ITGAE: variants seen among roughly 807,000 people sequenced by gnomAD.
ITGAE encodes the protein integrin subunit alpha E, also known as integrin alpha-E.
Under a neutral mutation model 136.5 loss-of-function variants are expected in ITGAE, and 99 were observed. That is an observed-to-expected ratio of 0.73 (90% CI 0.62 to 0.86). ITGAE has a LOEUF of 0.86. ITGAE is among the 40% of genes least tolerant of loss of function. ITGAE has a pLI of 0.00. For missense variants in ITGAE, 1,447 were observed against 1,515.3 expected (o/e 0.95, Z 0.75); for synonymous variants, 613 against 591.8 (o/e 1.04, Z -0.52).
At chr17:3,729,339 C>T in intron 24 of ITGAE, 139 bp downstream of exon 24, 1 of 691,438 alleles carries the variant, frequency 1.4e-6, no homozygotes, top group South Asian at 1.5e-5. Flanking sequence ...AATATCAGAG[C>T]CTGGGTTCTA....
intron 1 of ITGAE, among the ~76,000 whole-genome samples, chr17:3,797,123 C>T (rs977376987): frequency 2.0e-5 from 3 of 148,894 alleles, no homozygotes; most frequent in Non-Finnish European, 4.5e-5. Flanking sequence ...TTGAGCACTA[C>T]TGTGTGCTGG....
chr17:3,770,070 C>T (rs1027537898), intron 2 of ITGAE, among the ~76,000 whole-genome samples: 4 of 151,936 alleles, frequency 2.6e-5, no homozygotes, highest in African/African-American at 9.7e-5. Context: ...CTTGCCTTCA[C>T]CCAGCTCTAA....
rs1228587715 is a variant in ITGAE, at chr17:3,798,073, C to T, written c.34+3038G>A. On this transcript the variant is annotated intron_variant, in intron 1 of 30. Transcript: ENST00000263087. The surrounding 1 kb of genome is among the most constrained non-coding windows in gnomAD (Gnocchi z 4.3). The stretch of plus-strand genomic sequence containing the variant: ...CTCCACTTATACCACACCTGCCACA[C>T]GAATGCAGGCCTCCCAGAGAAGGGC... 3.9e-5 allele frequency among the ~76,000 whole-genome samples: 6 copies of T among 152,208 alleles called. No individual in the cohort carries two copies. The highest frequency in any genetic ancestry group is 7.2e-5 in the African/African-American group (3 of 41,430).
chr17:3,716,494 CAG>C (rs2050945692), intron 30 of ITGAE, among the ~76,000 whole-genome samples, 192 bp downstream of exon 30: 1 of 152,160 alleles, frequency 6.6e-6, no homozygotes, highest in African/African-American at 2.4e-5. Flanking sequence ...CTTTATAACT[CAG>C]AGTTTTCTCT....
intron 2 of ITGAE, among the ~76,000 whole-genome samples, chr17:3,769,863 T>C (rs2052379588): frequency 6.6e-6 from 1 of 151,940 alleles, no homozygotes; most frequent in African/African-American, 2.4e-5. Context: ...CGGTTAATTT[T>C]TGTATTTTTA....
At chr17:3,760,003 G>C (rs187229790) in intron 7 of ITGAE, among the ~76,000 whole-genome samples, 169 bp downstream of exon 7, 3 of 152,140 alleles carry the variant, frequency 2.0e-5, no homozygotes, top group Non-Finnish European at 4.4e-5. Flanking sequence ...GCAACCAGAC[G>C]CCTGCAGCTC....
Position 3,801,109 on chromosome 17 carries a change from A to C in ITGAE, c.34+2T>G, listed in dbSNP as rs375360989. Reference sequence around the variant, plus strand: ...CTCGAAGCAGCGGGTGAGAGGACTTACTGGCTATGCAGAGCAGAGTGTGGA... The same window carrying C: ...CTCGAAGCAGCGGGTGAGAGGACTTCCTGGCTATGCAGAGCAGAGTGTGGA... On this transcript the variant is annotated splice_donor_variant, in intron 1 of 30. Coordinates refer to ENST00000263087, the MANE Select transcript of ITGAE (RefSeq NM_002208.5). LOFTEE classifies it high-confidence loss of function. 2.5e-6 allele frequency: 4 copies of C among 1,612,820 alleles called. No individual in the cohort carries two copies. In the African/African-American group the frequency reaches 5.3e-5, roughly 22 times the overall value.
intron 20 of ITGAE, chr17:3,738,898 C>G (rs1323422645): frequency 6.6e-6 from 1 of 152,346 alleles, no homozygotes; most frequent in Non-Finnish European, 1.5e-5. Context: ...CGCTTCTCTT[C>G]TCAGCTAAGC....
rs562974265 is a variant in ITGAE at position 3,751,285 on chromosome 17, C to T, written c.1893+365G>A. Reference sequence around the variant, plus strand: ...GCCCTGGGGAATGAGAGATAAGGCGCGGAGGTGCTGGGTGGGAGACAGGAG... The same window carrying T: ...GCCCTGGGGAATGAGAGATAAGGCGTGGAGGTGCTGGGTGGGAGACAGGAG... On this transcript the variant is annotated intron_variant, in intron 15 of 30. Coordinates refer to ENST00000263087, the MANE Select transcript of ITGAE (RefSeq NM_002208.5). Among the ~76,000 whole-genome samples the T allele has an allele frequency of 5.6e-4, 81 of 145,214 alleles. 1 individual carries two copies. Among genetic ancestry groups the T allele is most frequent in the Non-Finnish European group, 8.2e-4 (54 of 65,752 alleles).
chr17:3,792,743 A>G (rs2052973794), intron 1 of ITGAE, among the ~76,000 whole-genome samples: 1 of 152,244 alleles, frequency 6.6e-6, no homozygotes, highest in African/African-American at 2.4e-5. Flanking sequence ...CAACGCATAC[A>G]TGAATGAATG....
chr17:3,799,825 T>C lies in ITGAE; in HGVS notation c.34+1286A>G, dbSNP rs2053206422. Among the ~76,000 whole-genome samples the C allele has an allele frequency of 6.6e-6, 1 of 152,194 alleles. No homozygotes were observed. The highest frequency in any genetic ancestry group is 2.1e-4 in the South Asian group (1 of 4,832). Reference sequence around the variant, plus strand: ...TTCCATGGTGACTATTCTGATGTTTTTGAAATATAAAATATTAGGCCGGGC... The same window carrying C: ...TTCCATGGTGACTATTCTGATGTTTCTGAAATATAAAATATTAGGCCGGGC... On this transcript the variant is annotated intron_variant, in intron 1 of 30. Transcript: ENST00000263087. The surrounding 1 kb of genome is among the most constrained non-coding windows in gnomAD (Gnocchi z 4.1).
At chr17:3,736,060 T>G (rs2051453325) in intron 20 of ITGAE, among the ~76,000 whole-genome samples, 2 of 152,112 alleles carry the variant, frequency 1.3e-5, no homozygotes, top group Admixed American at 1.3e-4. Context: ...AGAGAATTGC[T>G]TGAACCCGGT....
intron 1 of ITGAE, among the ~76,000 whole-genome samples, chr17:3,795,910 CGCATCCGTGTGTGTGCATCCGTGTGTGT>C (rs749114362): frequency 5.8e-5 from 7 of 121,192 alleles, no homozygotes; most frequent in African/African-American, 2.3e-4. Flanking sequence ...TCTGTGTATG[CGCATCCGTGTGTGTGCATCCGTGTGTGT>C]GCATCCGTGT....
At chr17:3,751,286 G>A (rs2051858164) in intron 15 of ITGAE, among the ~76,000 whole-genome samples, 1 of 151,904 alleles carries the variant, frequency 6.6e-6, no homozygotes, top group Admixed American at 6.6e-5. Context: ...GATAAGGCGC[G>A]GAGGTGCTGG....
Position 3,720,327 on chromosome 17 carries a change from C to T in ITGAE, c.3313G>A (p.Ala1105Thr). ...FNKSLYEGLN[A>T]ENHRTKITVV... is the part of the protein sequence containing the mutation. ...ATTACCTTAGTTCTGTGGTTCTCTG[C>T]ATTCAGTCCCTCATATAGAGATTTG... The change falls in exon 29 of 31, where the codon GCA becomes ACA. Residue 1105 changes from alanine (A) to threonine (T), a missense_variant. Around this residue, in one of 3 missense-constraint regions of ITGAE, gnomAD observed 1,031 missense variants for 1,011.4 expected, o/e 1.02. Coordinates refer to ENST00000263087, the MANE Select transcript of ITGAE (RefSeq NM_002208.5). The T allele has an allele frequency of 6.3e-7, 1 of 1,576,252 alleles. No individual in the cohort carries two copies. Among genetic ancestry groups the T allele is most frequent in the Non-Finnish European group, 8.7e-7 (1 of 1,145,634 alleles).
intron 17 of ITGAE, among the ~76,000 whole-genome samples, chr17:3,746,457 T>C (rs1363991158): frequency 6.6e-6 from 1 of 151,876 alleles, no homozygotes; most frequent in East Asian, 1.9e-4. Context: ...TTTTTCTTTT[T>C]TCTTTTTTTT....
At chr17:3,735,410 G>A (rs1597314515) in intron 20 of ITGAE, among the ~76,000 whole-genome samples, 1 of 152,060 alleles carries the variant, frequency 6.6e-6, no homozygotes, top group Non-Finnish European at 1.5e-5. Context: ...CAGGTGATCC[G>A]CCTGCCTCGG....
chr17:3,771,355 C>A (rs961031805), intron 2 of ITGAE, among the ~76,000 whole-genome samples: 5 of 152,068 alleles, frequency 3.3e-5, no homozygotes, highest in African/African-American at 1.2e-4. Context: ...GGCTAATCCA[C>A]GGAGATGAAA....
At chr17:3,727,333 A>T (rs1031237550) in intron 26 of ITGAE, among the ~76,000 whole-genome samples, 1 of 152,132 alleles carries the variant, frequency 6.6e-6, no homozygotes, top group African/African-American at 2.4e-5. Context: ...CATCGCTCAC[A>T]CAGAGAAGCA....
Sources: allele counts gnomAD v4.1 joint callset (sites outside exome capture counted in the v4.1 genomes callset), GRCh38; gene constraint gnomAD v4.1.1; regional missense constraint gnomAD v4.1.1; non-coding constraint Gnocchi (gnomAD v3.1); transcripts MANE v1.5; gene names NCBI Gene and HGNC (gene_info 2026-07-23, HGNC 2026-07-21).